TRAPPC9: variants seen among roughly 807,000 people sequenced by gnomAD.
The protein encoded by TRAPPC9 is IKK2 binding protein.
A neutral mutation model predicts 124.0 loss-of-function variants in TRAPPC9; 83 were observed. That is an observed-to-expected ratio of 0.67 (90% CI 0.56 to 0.80). The LOEUF is 0.80. Among genes scored for constraint, TRAPPC9 ranks in the 30% least tolerant of loss-of-function variants. The pLI, the probability that TRAPPC9 is intolerant of heterozygous loss-of-function variation, is 0.00. For synonymous variants in TRAPPC9, 638 were observed against 617.5 expected (o/e 1.03, Z -0.49); for missense variants, 1,302 against 1,508.3 (o/e 0.86, Z 2.27).
intron 21 of TRAPPC9, among the ~76,000 whole-genome samples, chr8:139,883,880 T>G (rs2131103594): frequency 1.3e-5 from 2 of 152,248 alleles, no homozygotes; most frequent in East Asian, 3.9e-4. Context: ...GTCTCCCTGT[T>G]TGTAAATGAT....
intron 16 of TRAPPC9, among the ~76,000 whole-genome samples, chr8:140,251,192 G>A (rs2064124380): frequency 1.3e-5 from 2 of 152,160 alleles, no homozygotes; most frequent in South Asian, 2.1e-4. Flanking sequence ...TGGAGTCCAC[G>A]TGCCAAGACA....
intron 21 of TRAPPC9, among the ~76,000 whole-genome samples, chr8:139,841,284 C>A (rs1029673452): frequency 3.9e-5 from 6 of 152,208 alleles, no homozygotes; most frequent in Non-Finnish European, 4.4e-5. Context: ...TTAGTAACTA[C>A]CTGCACCTGC....
At chr8:140,105,807 T>C (rs1319085051) in intron 17 of TRAPPC9, among the ~76,000 whole-genome samples, 2 of 152,088 alleles carry the variant, frequency 1.3e-5, no homozygotes, top group East Asian at 3.9e-4. Context: ...GGAGAGAGAC[T>C]GCATGCAGTC....
intron 8 of TRAPPC9, among the ~76,000 whole-genome samples, chr8:140,367,343 A>G (rs1588226934): frequency 1.3e-5 from 2 of 152,246 alleles, no homozygotes; most frequent in Admixed American, 1.3e-4. Context: ...TCATTAGGTG[A>G]ATGTATAAAT....
At chr8:140,366,568 T>C (rs1449578818) in intron 8 of TRAPPC9, among the ~76,000 whole-genome samples, 1 of 152,058 alleles carries the variant, frequency 6.6e-6, no homozygotes, top group Non-Finnish European at 1.5e-5. Context: ...TTCACAAAAA[T>C]TAACTCAAAA....
intron 17 of TRAPPC9, among the ~76,000 whole-genome samples, chr8:140,037,609 C>T (rs574723423): frequency 1.3e-5 from 2 of 150,452 alleles, no homozygotes; most frequent in South Asian, 4.2e-4. Flanking sequence ...ACAAATGCCA[C>T]ACACATATAC....
chr8:140,094,187 C>T (rs1291977367), intron 17 of TRAPPC9, among the ~76,000 whole-genome samples: 1 of 152,216 alleles, frequency 6.6e-6, no homozygotes, highest in Non-Finnish European at 1.5e-5. Context: ...CTGGAGGAGA[C>T]ATGGTGGTCA....
rs373480902 is a variant in TRAPPC9 at position 140,371,327 on chromosome 8, T to A, written c.1135-147A>T. The A allele has an allele frequency of 1.3e-5, 12 of 919,764 alleles. No homozygotes were observed. The African/African-American group carries it at 1.8e-4, about 14-fold the overall frequency. 57.0% of individuals were successfully genotyped at this position (919,764 alleles called of 1,614,324 possible). ...GAGGGAAAGCCTGGTGAGCAGCGCA[T>A]GGCGCAGGCCCCAGGTGGCTTCAGA... On this transcript the variant is annotated intron_variant, in intron 7 of 22. Transcript: ENST00000438773.
At chr8:140,326,601 T>A (rs972528049) in intron 9 of TRAPPC9, among the ~76,000 whole-genome samples, 1 of 151,980 alleles carries the variant, frequency 6.6e-6, no homozygotes, top group Non-Finnish European at 1.5e-5. Flanking sequence ...TATGGCCAGG[T>A]GTGATGGCTC....
At chr8:140,173,336 C>T (rs1365975830) in intron 17 of TRAPPC9, among the ~76,000 whole-genome samples, 1 of 152,030 alleles carries the variant, frequency 6.6e-6, no homozygotes, top group Non-Finnish European at 1.5e-5. Context: ...AGGAGGATCA[C>T]GAGGTCAGGA....
chr8:140,393,991 T>A (rs2069013081), intron 7 of TRAPPC9, among the ~76,000 whole-genome samples: 1 of 152,186 alleles, frequency 6.6e-6, no homozygotes, highest in Non-Finnish European at 1.5e-5. Context: ...TGTTCCCCTT[T>A]CGCCGTGTCT....
At chr8:140,035,277 G>A (rs1840803681) in intron 17 of TRAPPC9, among the ~76,000 whole-genome samples, 1 of 152,190 alleles carries the variant, frequency 6.6e-6, no homozygotes, top group Admixed American at 6.5e-5. Flanking sequence ...AAATACTGCT[G>A]ATCTTCAATA....
chr8:139,979,759 C>T (rs537709354), intron 19 of TRAPPC9, among the ~76,000 whole-genome samples: 1 of 152,252 alleles, frequency 6.6e-6, no homozygotes, highest in Admixed American at 6.5e-5. Flanking sequence ...ACCAAGAGAC[C>T]CACAGCGTCG....
intron 19 of TRAPPC9, among the ~76,000 whole-genome samples, chr8:139,979,796 C>T (rs1836764682): frequency 1.3e-5 from 2 of 152,152 alleles, no homozygotes; most frequent in African/African-American, 4.8e-5. Flanking sequence ...CCTCACAGCA[C>T]TGCCAGGGGG....
intron 21 of TRAPPC9, among the ~76,000 whole-genome samples, chr8:139,838,660 A>G (rs553538928): frequency 2.3e-3 from 345 of 149,462 alleles, no homozygotes; most frequent in Non-Finnish European, 3.1e-3. Flanking sequence ...TGCTGTGATG[A>G]CGGGTGGGTG....
At chr8:139,884,680 C>T (rs11785058) in intron 21 of TRAPPC9, among the ~76,000 whole-genome samples, 62,133 of 152,052 alleles carry the variant, frequency 0.41, 12,937 homozygotes, top group South Asian at 0.53. Flanking sequence ...ATAGGACATT[C>T]CCACCTAGAA....
chr8:139,821,574 C>T (rs188584128), intron 21 of TRAPPC9, among the ~76,000 whole-genome samples: 5 of 152,200 alleles, frequency 3.3e-5, no homozygotes, highest in Non-Finnish European at 5.9e-5. Flanking sequence ...GGGTCCAGAC[C>T]GGGCTTCTCC....
At chr8:139,945,800 T>C (rs926102410) in intron 19 of TRAPPC9, among the ~76,000 whole-genome samples, 2 of 152,174 alleles carry the variant, frequency 1.3e-5, no homozygotes, top group Non-Finnish European at 2.9e-5. Context: ...GAAGGATGTA[T>C]CTCCCTTGGT....
At chr8:140,174,138 C>T (rs2062017434) in intron 17 of TRAPPC9, among the ~76,000 whole-genome samples, 3 of 151,972 alleles carry the variant, frequency 2.0e-5, no homozygotes, top group South Asian at 2.1e-4. Context: ...GAGATTTACA[C>T]ATATTCTCAC....
Sources: gnomAD v4.1 joint callset for allele counts (sites outside exome capture counted in the v4.1 genomes callset) on GRCh38, gnomAD v4.1.1 for gene constraint, MANE v1.5 for transcripts, NCBI Gene and HGNC (gene_info 2026-07-23, HGNC 2026-07-21) for gene names.